Variants in CHD7 observed in about 807,000 individuals in gnomAD.
The protein encoded by CHD7 is chromodomain helicase DNA binding protein 7, also known as ATP-dependent chromatin remodeler CHD7.
A neutral mutation model predicts 307.3 loss-of-function variants in CHD7; 24 were observed. That is an observed-to-expected ratio of 0.08 (90% CI 0.06 to 0.11). The LOEUF (loss-of-function observed/expected upper bound fraction) is 0.11, where lower values mean the gene tolerates loss of function less well. Ranked by LOEUF, CHD7 falls within the 10% of genes least tolerant of loss-of-function variation. CHD7 has a pLI of 1.00. For synonymous variants in CHD7, 1,363 were observed against 1,349.9 expected (o/e 1.01, Z -0.21); for missense variants, 3,106 against 3,727.1 (o/e 0.83, Z 4.34).
intron 1 of CHD7, among the ~76,000 whole-genome samples, chr8:60,707,511 A>C (rs1441445949): frequency 6.6e-6 from 1 of 152,226 alleles, no homozygotes; most frequent in African/African-American, 2.4e-5. Context: ...AATGGATTGG[A>C]TAAATAAAAA....
intron 1 of CHD7, chr8:60,679,544 G>A (rs1805468155): frequency 1.4e-5 from 2 of 147,974 alleles, no homozygotes; most frequent in African/African-American, 4.9e-5. Flanking sequence ...CCATTCGAGA[G>A]AAAAAGGAAG....
intron 1 of CHD7, among the ~76,000 whole-genome samples, chr8:60,694,213 T>C (rs1351879405): frequency 1.3e-5 from 2 of 152,314 alleles, no homozygotes; most frequent in African/African-American, 4.8e-5. Flanking sequence ...TGGTGAAAAA[T>C]GTTATTAACT....
intron 7 of CHD7, 123 bp downstream of exon 7, chr8:60,808,395 G>A: frequency 1.5e-6 from 1 of 662,836 alleles, no homozygotes. Context: ...ATCATGGCCT[G>A]GGAGGCCATT....
Position 60,742,174 on chromosome 8 carries a change from T to C in CHD7, c.742T>C (p.Ser248Pro). ...VPQQSPSMAP[S>P]LRHSVQQFHH... is the part of the protein sequence containing the mutation. Reference sequence around the variant, plus strand: ...CCAGCAGAGTCCCAGCATGGCACCTTCCTTGCGTCACTCGGTGCAGCAGTT... The same window carrying C: ...CCAGCAGAGTCCCAGCATGGCACCTCCCTTGCGTCACTCGGTGCAGCAGTT... The change falls in exon 2 of 38, where the codon TCC becomes CCC. Residue 248 changes from serine (S) to proline (P), a missense_variant. Transcript: ENST00000423902. 6.2e-7 allele frequency: 1 copy of C among 1,613,924 alleles called. No individual in the cohort carries two copies.
At chr8:60,800,615 T>C (rs967063391) in intron 5 of CHD7, 90 bp downstream of exon 5, 11 of 1,296,916 alleles carry the variant, frequency 8.5e-6, no homozygotes, top group African/African-American at 7.4e-5. Flanking sequence ...AGTGGAAGCA[T>C]TGGACTTTCA....
chr8:60,708,066 C>T (rs1475219015), intron 1 of CHD7, among the ~76,000 whole-genome samples: 2 of 152,078 alleles, frequency 1.3e-5, no homozygotes, highest in South Asian at 2.1e-4. Flanking sequence ...TGATAAAGGT[C>T]GAAGGGTGGT....
chr8:60,756,063 T>A (rs1809874507), intron 2 of CHD7, among the ~76,000 whole-genome samples: 1 of 152,368 alleles, frequency 6.6e-6, no homozygotes, highest in East Asian at 1.9e-4. Flanking sequence ...ATTTTAATTT[T>A]ATTTGATTTT....
At chr8:60,783,929 C>T (rs1012024557) in intron 3 of CHD7, among the ~76,000 whole-genome samples, 4 of 152,248 alleles carry the variant, frequency 2.6e-5, no homozygotes, top group African/African-American at 7.2e-5. Flanking sequence ...TCCAAGCATA[C>T]GGTAGTTGAA....
intron 1 of CHD7, among the ~76,000 whole-genome samples, chr8:60,732,051 G>T (rs539756297): frequency 2.0e-5 from 3 of 152,208 alleles, no homozygotes; most frequent in Non-Finnish European, 4.4e-5. Flanking sequence ...CTAGCAAAGA[G>T]AATAGACAAA....
chr8:60,732,233 T>A (rs1808488686), intron 1 of CHD7, among the ~76,000 whole-genome samples: 1 of 152,216 alleles, frequency 6.6e-6, no homozygotes, highest in South Asian at 2.1e-4. Flanking sequence ...TGAAAAAAGA[T>A]CCCTTTTCAG....
rs1228031524 is a variant in CHD7, at chr8:60,867,513, C to T, written c.*1580C>T. 6.6e-6 allele frequency: 1 copy of T among 152,250 alleles called. No individual in the cohort carries two copies. Among genetic ancestry groups the T allele is most frequent in the Non-Finnish European group, 1.5e-5 (1 of 68,044 alleles). The allele number at this position is 152,250 out of a possible 1,614,324, so 9.4% of individuals were successfully genotyped here. A position where few individuals can be genotyped will look rare whatever the true frequency, so the allele number is the denominator to read the frequency against. On this transcript the variant is annotated 3_prime_UTR_variant, in exon 38 of 38. Transcript: ENST00000423902. The stretch of plus-strand genomic sequence containing the variant: ...AAAGTAAAATATAATTTGAGATCTA[C>T]TGTTTTCACCTTTTTATGTCACCTG...
chr8:60,808,010 C>T (rs1366677466), intron 6 of CHD7, among the ~76,000 whole-genome samples: 1 of 152,226 alleles, frequency 6.6e-6, no homozygotes, highest in Non-Finnish European at 1.5e-5. Context: ...AGCTCTCGCA[C>T]GTTGAGCAGA....
At chr8:60,772,117 G>C (rs192543244) in intron 2 of CHD7, among the ~76,000 whole-genome samples, 25 of 152,300 alleles carry the variant, frequency 1.6e-4, no homozygotes, top group Admixed American at 7.2e-4. Context: ...AGAGTAGTCT[G>C]TCATTAAGCA....
chr8:60,741,861 C>T lies in CHD7; in HGVS notation c.429C>T (p.Ser143=). The T allele has an allele frequency of 6.2e-7, 1 of 1,613,834 alleles. No homozygotes were observed. Among genetic ancestry groups the T allele is most frequent in the Non-Finnish European group, 8.5e-7 (1 of 1,179,840 alleles). ...GGCAATCCTTTGTGGACAGCAGCTC[C>T]ATGTGGGGCCCCAGGGCTGTTCAGG... The part of the protein sequence containing the change: ...RHGQSFVDSS[S]MWGPRAVQVP... The change falls in exon 2 of 38, where the codon TCC becomes TCT. Residue 143 remains serine, a synonymous_variant. Coordinates refer to ENST00000423902, the MANE Select transcript of CHD7 (RefSeq NM_017780.4).
At chr8:60,843,298 CCAAAAGCCCTGCCCCG>C (rs1399036069) in intron 21 of CHD7, among the ~76,000 whole-genome samples, 1 of 152,166 alleles carries the variant, frequency 6.6e-6, no homozygotes, top group African/African-American at 2.4e-5. Context: ...CCCCTGCGTC[CCAAAAGCCCTGCCCCG>C]CAAAAGCCCT....
At chr8:60,682,781 G>A (rs747054833) in intron 1 of CHD7, among the ~76,000 whole-genome samples, 12 of 152,064 alleles carry the variant, frequency 7.9e-5, no homozygotes, top group Non-Finnish European at 1.6e-4. Flanking sequence ...AACCTTTTGG[G>A]TTTGATAGCA....
chr8:60,845,763 A>G (rs1036953487), intron 23 of CHD7, among the ~76,000 whole-genome samples: 1 of 152,240 alleles, frequency 6.6e-6, no homozygotes, highest in Non-Finnish European at 1.5e-5. Context: ...CATTTTTACC[A>G]TTTATAAGTG....
At chr8:60,859,061 ATTTTTC>A (rs1805846638) in intron 34 of CHD7, among the ~76,000 whole-genome samples, 1 of 151,912 alleles carries the variant, frequency 6.6e-6, no homozygotes, top group African/African-American at 2.4e-5. Flanking sequence ...ATTTGTTGAT[ATTTTTC>A]TTTTTCTAAA....
At chr8:60,848,638 G>C (rs1805315746) in intron 24 of CHD7, 34 bp downstream of exon 24, 3 of 1,519,286 alleles carry the variant, frequency 2.0e-6, no homozygotes, top group African/African-American at 1.4e-5. Flanking sequence ...CTCAACCTCA[G>C]TGAGATAATC....
Sources: gnomAD v4.1 joint callset for allele counts (sites outside exome capture counted in the v4.1 genomes callset) on GRCh38, gnomAD v4.1.1 for gene constraint, MANE v1.5 for transcripts, NCBI Gene and HGNC (gene_info 2026-07-23, HGNC 2026-07-21) for gene names.